Variants in KCNQ3 observed in about 807,000 individuals in gnomAD.
KCNQ3 encodes potassium voltage-gated channel subfamily KQT member 3.
In KCNQ3, 30 loss-of-function variants were observed where a neutral mutation model predicts 92.5. The ratio of observed to expected loss-of-function variants is 0.32; its 90% CI spans 0.24 to 0.44. The LOEUF is 0.44. KCNQ3 is among the 20% of genes least tolerant of loss of function. The pLI is 1.00. For missense variants in KCNQ3, 913 were observed against 1,140.3 expected, an observed-to-expected ratio of 0.80 and a Z score of 2.87; for synonymous variants, 450 against 468.8, an observed-to-expected ratio of 0.96 and a Z score of 0.52.
chr8:132,358,152 T>G (rs1819066852), intron 1 of KCNQ3, among the ~76,000 whole-genome samples: 1 of 152,192 alleles, frequency 6.6e-6, no homozygotes, highest in African/African-American at 2.4e-5. Context: ...AGATATTCAG[T>G]GAAAGGTGGC....
chr8:132,191,244 T>TA (rs1456989064), intron 1 of KCNQ3, among the ~76,000 whole-genome samples: 1 of 152,154 alleles, frequency 6.6e-6, no homozygotes, highest in African/African-American at 2.4e-5. Context: ...ACTCCTGGGC[T>TA]CAAGTGATCC....
At chr8:132,425,420 C>T (rs528021963) in intron 1 of KCNQ3, among the ~76,000 whole-genome samples, 18 of 152,102 alleles carry the variant, frequency 1.2e-4, no homozygotes, top group Non-Finnish European at 2.1e-4. Flanking sequence ...AGTAATAATA[C>T]GATCTGCATT....
At chr8:132,145,174 A>G (rs555962740) in intron 9 of KCNQ3, among the ~76,000 whole-genome samples, 1 of 152,336 alleles carries the variant, frequency 6.6e-6, no homozygotes, top group South Asian at 2.1e-4. Context: ...ACAAATATCA[A>G]TAGTGCTGAG....
intron 1 of KCNQ3, among the ~76,000 whole-genome samples, chr8:132,471,086 A>G (rs1428849844): frequency 6.6e-6 from 1 of 152,152 alleles, no homozygotes. Context: ...ATTTACATGC[A>G]TGCCAAGGTT....
chr8:132,382,128 T>G lies in KCNQ3; in HGVS notation c.386+98019A>C, dbSNP rs1345251925. On this transcript the variant is annotated intron_variant, in intron 1 of 14. Transcript: ENST00000388996. ...AGTTTTAAGTCTTTACAGTTCTTTT[T>G]TCTTTAATAACACCTTTATTGAAAA... Among the ~76,000 whole-genome samples, 8 of 152,372 alleles carry G rather than the reference T, an allele frequency of 5.3e-5. No homozygotes were observed. The East Asian group carries it at 1.3e-3, about 26-fold the overall frequency.
At chr8:132,213,588 C>G (rs1022633819) in intron 1 of KCNQ3, among the ~76,000 whole-genome samples, 5 of 152,218 alleles carry the variant, frequency 3.3e-5, no homozygotes, top group African/African-American at 9.6e-5. Context: ...TCACCCCTCT[C>G]ATGCTGAGCT....
At chr8:132,253,409 T>G (rs915428868) in intron 1 of KCNQ3, among the ~76,000 whole-genome samples, 4 of 152,198 alleles carry the variant, frequency 2.6e-5, no homozygotes, top group Non-Finnish European at 1.5e-5. Context: ...ACTTACTATG[T>G]GCCAAGTACT....
chr8:132,225,487 A>G (rs182203626), intron 1 of KCNQ3, among the ~76,000 whole-genome samples: 111 of 152,346 alleles, frequency 7.3e-4, no homozygotes, highest in African/African-American at 2.5e-3. Context: ...GGGTGAGTAC[A>G]TGGGATTTGG....
At chr8:132,191,247 A>G (rs1402762268) in intron 1 of KCNQ3, among the ~76,000 whole-genome samples, 1 of 152,154 alleles carries the variant, frequency 6.6e-6, no homozygotes, top group African/African-American at 2.4e-5. Context: ...CCTGGGCTCA[A>G]GTGATCCTCC....
chr8:132,304,713 G>A (rs1280466442), intron 1 of KCNQ3, among the ~76,000 whole-genome samples: 4 of 152,074 alleles, frequency 2.6e-5, no homozygotes, highest in Non-Finnish European at 5.9e-5. Context: ...GTTTCCATTC[G>A]ACAGTACTGA....
rs1022884345 is a variant in KCNQ3 at position 132,184,117 on chromosome 8, G to A, written c.604+124C>T. 4 of 1,208,132 alleles carry A rather than the reference G, an allele frequency of 3.3e-6. No individual in the cohort carries two copies. In the African/African-American group the frequency reaches 4.5e-5, roughly 14 times the overall value. 74.8% of individuals were successfully genotyped at this position (1,208,132 alleles called of 1,614,324 possible). A position where few individuals can be genotyped will look rare whatever the true frequency, so the allele number is the denominator to read the frequency against. ...TCCCTTCTCATCGAGGCAGCGTCAG[G>A]GGCTGAGCTGGCCTCCACAGTGCCG... On this transcript the variant is annotated intron_variant, in intron 3 of 14. Transcript: ENST00000388996.
intron 7 of KCNQ3, among the ~76,000 whole-genome samples, chr8:132,172,165 AAG>A (rs1264529165): frequency 6.6e-6 from 1 of 151,996 alleles, no homozygotes; most frequent in Non-Finnish European, 1.5e-5. Flanking sequence ...CAGCCTGGAC[AAG>A]AGAGTCTCAA....
intron 1 of KCNQ3, among the ~76,000 whole-genome samples, chr8:132,476,110 G>A (rs1438267942): frequency 1.3e-5 from 2 of 152,244 alleles, no homozygotes; most frequent in Admixed American, 6.5e-5. Context: ...GGGCCTGTGG[G>A]TGCACAGAAG....
intron 1 of KCNQ3, among the ~76,000 whole-genome samples, chr8:132,287,142 C>T (rs1816700665): frequency 1.3e-5 from 2 of 152,214 alleles, no homozygotes. Context: ...TCTTTCTCCT[C>T]TAACTTTGTA....
intron 1 of KCNQ3, among the ~76,000 whole-genome samples, chr8:132,452,949 C>A (rs1821855558): frequency 2.6e-5 from 4 of 152,160 alleles, no homozygotes; most frequent in Admixed American, 2.6e-4. Context: ...AAACATGTAA[C>A]TTACAGATTA....
chr8:132,282,956 C>T (rs1237412890), intron 1 of KCNQ3, among the ~76,000 whole-genome samples: 2 of 152,072 alleles, frequency 1.3e-5, no homozygotes, highest in African/African-American at 2.4e-5. Context: ...AAGGAAGGAG[C>T]TCAGTGAGGA....
At chr8:132,399,076 A>G (rs1445445379) in intron 1 of KCNQ3, among the ~76,000 whole-genome samples, 1 of 152,220 alleles carries the variant, frequency 6.6e-6, no homozygotes, top group Non-Finnish European at 1.5e-5. Flanking sequence ...GCTTCTCCAG[A>G]CCTTCATCCC....
chr8:132,411,707 A>G (rs1820656849), intron 1 of KCNQ3, among the ~76,000 whole-genome samples: 1 of 152,128 alleles, frequency 6.6e-6, no homozygotes, highest in African/African-American at 2.4e-5. Context: ...GCTCCCACCC[A>G]AAGGAACTAG....
chr8:132,142,369 A>C (rs1586764997), intron 9 of KCNQ3, among the ~76,000 whole-genome samples: 1 of 152,156 alleles, frequency 6.6e-6, no homozygotes, highest in Non-Finnish European at 1.5e-5. Context: ...TTTGAGCCTC[A>C]GTTACCTTGT....
Sources: allele counts gnomAD v4.1 joint callset (sites outside exome capture counted in the v4.1 genomes callset), GRCh38; gene constraint gnomAD v4.1.1; transcripts MANE v1.5; gene names NCBI Gene and HGNC (gene_info 2026-07-23, HGNC 2026-07-21).